KPNA7: variants seen among roughly 807,000 people sequenced by gnomAD.
KPNA7 encodes importin subunit alpha-8.
KPNA7 carries 54 observed loss-of-function variants against 53.7 expected under a neutral mutation model. The observed-to-expected ratio is 1.01, with a 90% CI of 0.81 to 1.26. KPNA7 has a LOEUF of 1.26. Among genes scored for constraint, KPNA7 ranks in the 50% most tolerant of loss-of-function variants. The pLI is 0.00. For missense variants in KPNA7, 640 were observed against 644.5 expected (o/e 0.99, Z 0.07); for synonymous variants, 276 against 259.3 (o/e 1.06, Z -0.62).
At chr7:99,191,160 ATTTTT>A (rs5886098) in intron 6 of KPNA7, among the ~76,000 whole-genome samples, 9,343 of 134,724 alleles carry the variant, frequency 0.069, 401 homozygotes, top group South Asian at 0.17. Flanking sequence ...CTGCTATACA[ATTTTT>A]TTTTTTTTTT....
intron 3 of KPNA7, 111 bp from the exon 4 acceptor site, chr7:99,196,277 C>T: frequency 1.4e-6 from 1 of 714,660 alleles, no homozygotes; most frequent in Non-Finnish European, 2.4e-6. Flanking sequence ...AACAGGATGT[C>T]CCATCTTGCA....
In KPNA7 at chr7:99,181,982, G is replaced by T. The variant is rs987074674; in HGVS notation, c.1218C>A (p.Leu406=). ...TGATMDQLIQ[L]VHSGVLEPLV... is the part of the protein sequence containing the mutation. ...GTGGCTCCAGGACCCCAGAGTGGAC[G>T]AGCTGGATCAGCTGATCCATGGTGG... The change falls in exon 9 of 11, where the codon CTC becomes CTA. Residue 406 remains leucine, a synonymous_variant. Coordinates refer to ENST00000327442, the MANE Select transcript of KPNA7 (RefSeq NM_001145715.3). 1 of 1,551,166 alleles carries T rather than the reference G, an allele frequency of 6.4e-7. No homozygotes were observed. The highest frequency in any genetic ancestry group is 2.4e-5 in the East Asian group (1 of 40,894).
At chr7:99,167,436 C>A in the KPNA7 span, among the ~76,000 whole-genome samples, 2,888 of 152,104 alleles carry the variant, frequency 0.019, 41 homozygotes, top group Non-Finnish European at 0.027. Flanking sequence ...CTATTGTGAA[C>A]TGTACATGCA....
intron 1 of KPNA7, among the ~76,000 whole-genome samples, chr7:99,216,619 T>G (rs574141748): frequency 1.3e-5 from 2 of 152,238 alleles, no homozygotes; most frequent in African/African-American, 4.8e-5. Context: ...TAGAATGCAG[T>G]GGCGTGATCT....
At chr7:99,176,965 G>A (rs1196476530) in intron 10 of KPNA7, among the ~76,000 whole-genome samples, 4 of 152,128 alleles carry the variant, frequency 2.6e-5, no homozygotes, top group Non-Finnish European at 5.9e-5. Flanking sequence ...TAGCAAAATG[G>A]TAGAAGAAAC....
chr7:99,170,267 A>G (rs1798747962), downstream of KPNA7, among the ~76,000 whole-genome samples: 1 of 152,228 alleles, frequency 6.6e-6, no homozygotes, highest in Non-Finnish European at 1.5e-5. Context: ...AAACAAAGCT[A>G]GGTCGATAGC....
At chr7:99,195,412 G>T in intron 4 of KPNA7, 74 bp from the exon 5 acceptor site, 3 of 1,401,254 alleles carry the variant, frequency 2.1e-6, no homozygotes, top group Non-Finnish European at 2.9e-6. Flanking sequence ...TTTTAGGCCA[G>T]GTGCGGTGGC....
intron 10 of KPNA7, among the ~76,000 whole-genome samples, chr7:99,174,691 G>A (rs993711268): frequency 1.1e-4 from 16 of 152,190 alleles, no homozygotes; most frequent in African/African-American, 2.6e-4. Context: ...ATAGAACACC[G>A]TCCTGACAAT....
chr7:99,184,153 CCTTT>C (rs1460885240), intron 8 of KPNA7, among the ~76,000 whole-genome samples: 1 of 82,914 alleles, frequency 1.2e-5, no homozygotes, highest in East Asian at 3.3e-4. Flanking sequence ...CTGCCCACAA[CCTTT>C]TTTTTTTTTT....
At chr7:99,169,154 CAAAT>C (rs770968572), downstream of KPNA7, among the ~76,000 whole-genome samples, 94 of 152,022 alleles carry the variant, frequency 6.2e-4, no homozygotes, top group Non-Finnish European at 1.0e-3. Flanking sequence ...CTCCCTGTCT[CAAAT>C]AAATAATTTT....
the KPNA7 span, among the ~76,000 whole-genome samples, chr7:99,159,928 A>T: frequency 6.6e-6 from 1 of 151,878 alleles, no homozygotes; most frequent in African/African-American, 2.4e-5. Context: ...AGAAGGAAAG[A>T]AGTAGCTTGT....
At chr7:99,155,038 GTATAT>G in the KPNA7 span, among the ~76,000 whole-genome samples, 1 of 151,836 alleles carries the variant, frequency 6.6e-6, no homozygotes, top group African/African-American at 2.4e-5. Flanking sequence ...ATATATATGT[GTATAT>G]TATATATATG....
At chr7:99,190,711 A>G (rs771646411) in intron 6 of KPNA7, among the ~76,000 whole-genome samples, 3 of 149,024 alleles carry the variant, frequency 2.0e-5, no homozygotes, top group African/African-American at 7.5e-5. Flanking sequence ...GCTGGAGTGC[A>G]GTGGTGCAAT....
At chr7:99,184,768 C>T (rs950039787) in intron 8 of KPNA7, among the ~76,000 whole-genome samples, 161 bp downstream of exon 8, 5 of 152,102 alleles carry the variant, frequency 3.3e-5, no homozygotes, top group South Asian at 2.1e-4. Flanking sequence ...CAGAATGGAA[C>T]GCCCCCTTCC....
downstream of KPNA7, among the ~76,000 whole-genome samples, chr7:99,172,801 G>A (rs745413521): frequency 3.9e-5 from 6 of 151,970 alleles, no homozygotes; most frequent in South Asian, 2.1e-4. Flanking sequence ...GTTGGCTCAC[G>A]CCTGTAATCC....
chr7:99,190,337 A>G (rs1385546264), intron 6 of KPNA7, among the ~76,000 whole-genome samples: 1 of 147,826 alleles, frequency 6.8e-6, no homozygotes, highest in South Asian at 2.1e-4. Context: ...CTCTGTCTCA[A>G]AAAAAAAAAA....
chr7:99,175,656 G>A lies in KPNA7; in HGVS notation c.1465-1862C>T, dbSNP rs183918699. 7.1e-3 allele frequency among the ~76,000 whole-genome samples: 1,080 copies of A among 151,548 alleles called. 12 individuals carry two copies. Among genetic ancestry groups the A allele is most frequent in the African/African-American group, 0.025 (1,032 of 41,300 alleles). On this transcript the variant is annotated intron_variant, in intron 10 of 10. Transcript: ENST00000327442. ...CAGCCTCCTGAGTAGCTGGGATTACGGGCACAAACCACCACACCCAACTAA... is the reference window on the plus strand; with the variant it reads ...CAGCCTCCTGAGTAGCTGGGATTACAGGCACAAACCACCACACCCAACTAA...
chr7:99,185,204 C>T (rs775518019), intron 7 of KPNA7, 42 bp from the exon 8 acceptor site: 52 of 1,401,542 alleles, frequency 3.7e-5, no homozygotes, highest in Non-Finnish European at 4.7e-5. Context: ...TCAAGTCTAT[C>T]CCAGGAGAAG....
Position 99,192,561 on chromosome 7 carries a change from C to T in KPNA7, c.636+458G>A, listed in dbSNP as rs116505874. Among the ~76,000 whole-genome samples the T allele has an allele frequency of 4.6e-3, 701 of 152,206 alleles. 4 individuals carry two copies. Among genetic ancestry groups the T allele is most frequent in the African/African-American group, 0.016 (658 of 41,536 alleles). ...CTGAGTAGCTGAGACTACAGGTGTA[C>T]GCTACCATGCTCAGCTAATTTTTTT... On this transcript the variant is annotated intron_variant, in intron 6 of 10. Transcript: ENST00000327442.
Sources: gnomAD v4.1 joint callset for allele counts (sites outside exome capture counted in the v4.1 genomes callset) on GRCh38, gnomAD v4.1.1 for gene constraint, MANE v1.5 for transcripts, NCBI Gene and HGNC (gene_info 2026-07-23, HGNC 2026-07-21) for gene names.